The following MGMT variants were observed in gnomAD, a reference collection of about 807,000 sequenced individuals.
The protein encoded by MGMT is methylated-DNA--protein-cysteine methyltransferase.
MGMT carries 14 observed loss-of-function variants against 15.9 expected under a neutral mutation model. The observed-to-expected ratio is 0.88, with a 90% CI of 0.58 to 1.37. MGMT has a LOEUF of 1.37. Among genes scored for constraint, MGMT ranks in the 40% most tolerant of loss-of-function variants. The pLI, the probability that MGMT is intolerant of heterozygous loss-of-function variation, is 0.00. For missense variants in MGMT, 282 were observed against 268.1 expected (o/e 1.05, Z -0.36); for synonymous variants, 130 against 118.2 (o/e 1.10, Z -0.65).
intron 2 of MGMT, among the ~76,000 whole-genome samples, chr10:129,632,156 C>A (rs920269098): frequency 3.3e-5 from 5 of 152,346 alleles, no homozygotes; most frequent in South Asian, 4.1e-4. Context: ...TGTGCCACAT[C>A]CTTAGACATG....
chr10:129,689,220 C>T lies in MGMT; in HGVS notation c.126-18675C>T, dbSNP rs563882005. Among the ~76,000 whole-genome samples, 153 of 152,326 alleles carry T rather than the reference C, an allele frequency of 1.0e-3. 1 individual carries two copies. The highest frequency in any genetic ancestry group is 3.4e-3 in the Middle Eastern group (1 of 294). On this transcript the variant is annotated intron_variant, in intron 2 of 4. Coordinates refer to ENST00000651593, the MANE Select transcript of MGMT (RefSeq NM_002412.5). The stretch of plus-strand genomic sequence containing the variant: ...CTGGGATTACAGGTGTGTGCCACTG[C>T]GCCCAGCCCAACCCTGTCCTTTGTT...
At chr10:129,714,408 A>G (rs898126565) in intron 3 of MGMT, among the ~76,000 whole-genome samples, 1 of 152,218 alleles carries the variant, frequency 6.6e-6, no homozygotes, top group Non-Finnish European at 1.5e-5. Flanking sequence ...TTGGGCTAGG[A>G]GAGAGTTTTT....
chr10:129,603,053 T>C (rs537781866), intron 2 of MGMT, among the ~76,000 whole-genome samples: 4 of 152,366 alleles, frequency 2.6e-5, no homozygotes, highest in East Asian at 3.9e-4. Context: ...GCCCTTGTTA[T>C]AAATTTAGAA....
chr10:129,635,409 C>G (rs532904617), intron 2 of MGMT, among the ~76,000 whole-genome samples: 4 of 152,218 alleles, frequency 2.6e-5, no homozygotes, highest in African/African-American at 9.6e-5. Context: ...TCCGGGTGCC[C>G]GGAACTCTCA....
intron 3 of MGMT, among the ~76,000 whole-genome samples, chr10:129,732,302 C>G (rs906917190): frequency 1.3e-5 from 2 of 149,014 alleles, no homozygotes; most frequent in Non-Finnish European, 3.0e-5. Flanking sequence ...TATCCCTCCC[C>G]CAACCCCCCA....
chr10:129,488,256 T>C (rs1845433674), intron 1 of MGMT, among the ~76,000 whole-genome samples: 1 of 152,184 alleles, frequency 6.6e-6, no homozygotes, highest in African/African-American at 2.4e-5. Flanking sequence ...GTTATCATGC[T>C]ACTAACACTG....
At chr10:129,489,044 T>A (rs1045820800) in intron 1 of MGMT, among the ~76,000 whole-genome samples, 2 of 152,196 alleles carry the variant, frequency 1.3e-5, no homozygotes, top group African/African-American at 4.8e-5. Flanking sequence ...CATTAATTAC[T>A]ATAGCTTTAG....
chr10:129,657,384 C>T (rs991160054), intron 2 of MGMT, among the ~76,000 whole-genome samples: 1 of 149,848 alleles, frequency 6.7e-6, no homozygotes, highest in African/African-American at 2.5e-5. Context: ...GCAAGGACCT[C>T]CTGCATTCTA....
intron 1 of MGMT, among the ~76,000 whole-genome samples, chr10:129,471,946 G>T (rs1433570780): frequency 1.3e-5 from 2 of 152,198 alleles, no homozygotes; most frequent in East Asian, 3.9e-4. Context: ...AACCCAACAT[G>T]TTATTATTGC....
At chr10:129,514,307 C>T (rs1845714949) in intron 1 of MGMT, among the ~76,000 whole-genome samples, 1 of 152,088 alleles carries the variant, frequency 6.6e-6, no homozygotes, top group South Asian at 2.1e-4. Context: ...TGTAATAATT[C>T]CTATTTCCAA....
intron 2 of MGMT, among the ~76,000 whole-genome samples, chr10:129,684,454 A>G (rs1358266584): frequency 6.6e-6 from 1 of 152,214 alleles, no homozygotes; most frequent in Non-Finnish European, 1.5e-5. Context: ...CGTGAGACCA[A>G]CTTTCTTTTT....
intron 3 of MGMT, 152 bp downstream of exon 3, chr10:129,708,195 G>T (rs1189903516): frequency 2.0e-6 from 2 of 998,782 alleles, no homozygotes; most frequent in Non-Finnish European, 2.9e-6. Flanking sequence ...AGGGACGGGG[G>T]TTCGCCGCCT....
chr10:129,553,099 T>C (rs1012341660), intron 2 of MGMT, among the ~76,000 whole-genome samples: 1 of 152,212 alleles, frequency 6.6e-6, no homozygotes, highest in East Asian at 1.9e-4. Flanking sequence ...GCATGGAGTT[T>C]AATTTCTGCG....
chr10:129,646,386 T>C (rs980590318), intron 2 of MGMT, among the ~76,000 whole-genome samples: 2 of 152,094 alleles, frequency 1.3e-5, no homozygotes, highest in African/African-American at 4.8e-5. Context: ...ACCCTTGTTT[T>C]AGGGAGCCTA....
At chr10:129,715,873 G>A (rs1204608732) in intron 3 of MGMT, among the ~76,000 whole-genome samples, 1 of 152,108 alleles carries the variant, frequency 6.6e-6, no homozygotes, top group African/African-American at 2.4e-5. Context: ...AGGCTGACTC[G>A]GAATATAAGA....
intron 3 of MGMT, among the ~76,000 whole-genome samples, chr10:129,755,886 C>T (rs56217449): frequency 0.033 from 5,097 of 152,248 alleles, 296 homozygotes; most frequent in African/African-American, 0.12. Context: ...AGGCTGGTCC[C>T]GGTCTGTGTC....
chr10:129,734,726 A>T (rs1848540706), intron 3 of MGMT, among the ~76,000 whole-genome samples: 1 of 152,108 alleles, frequency 6.6e-6, no homozygotes, highest in African/African-American at 2.4e-5. Flanking sequence ...TTATTTTGAG[A>T]TACGTCCCAT....
chr10:129,689,087 G>A (rs542637511), intron 2 of MGMT, among the ~76,000 whole-genome samples: 5 of 152,166 alleles, frequency 3.3e-5, no homozygotes, highest in East Asian at 1.9e-4. Context: ...GCACCACCAC[G>A]CCCAGCTAAT....
intron 2 of MGMT, among the ~76,000 whole-genome samples, chr10:129,600,270 A>G (rs1283535876): frequency 6.6e-6 from 1 of 152,154 alleles, no homozygotes; most frequent in East Asian, 1.9e-4. Context: ...GTTCGTGGTT[A>G]GGGGTAGCTC....
Sources: allele counts gnomAD v4.1 joint callset (sites outside exome capture counted in the v4.1 genomes callset), GRCh38; gene constraint gnomAD v4.1.1; transcripts MANE v1.5; gene names NCBI Gene and HGNC (gene_info 2026-07-23, HGNC 2026-07-21).